HIVEP1: variants seen among roughly 807,000 people sequenced by gnomAD.
HIVEP1 encodes HIVEP zinc finger 1.
HIVEP1 carries 36 observed loss-of-function variants against 180.0 expected under a neutral mutation model. The ratio of observed to expected loss-of-function variants is 0.20; its 90% CI spans 0.15 to 0.26. The LOEUF is 0.26. HIVEP1 is among the 10% of genes least tolerant of loss of function. The pLI is 1.00. For synonymous variants in HIVEP1, 1,239 were observed against 1,239.0 expected, an observed-to-expected ratio of 1.00 and a Z score of 0.00; for missense variants, 3,143 against 3,268.7, an observed-to-expected ratio of 0.96 and a Z score of 0.94.
downstream of HIVEP1, among the ~76,000 whole-genome samples, chr6:12,167,683 TATAATATATATACATATATACATATATGC>T (rs1562023788): frequency 5.1e-4 from 53 of 104,066 alleles, no homozygotes; most frequent in Non-Finnish European, 7.0e-4. Flanking sequence ...CATATATGTG[TATAATATATATACATATATACATATATGC>T]ATAATATATA....
At position 12,122,188 on chromosome 6, in the gene HIVEP1, C is replaced by T; in HGVS notation, c.2393C>T (p.Pro798Leu). Residue 798 changes from proline to leucine, a missense_variant, in exon 4 of 9, where the codon CCA becomes CTA. Around this residue, in one of 12 missense-constraint regions of HIVEP1, gnomAD observed 204 missense variants for 243.7 expected, o/e 0.84. Transcript: ENST00000379388. ...GATTCTTTCCAGTTTGATTTAAAAC[C>T]AGTGGGACGGAGAACAAGTTCAAGC... ...FKDSFQFDLK[P>L]VGRRTSSSSD... The T allele has an allele frequency of 6.2e-7, 1 of 1,614,168 alleles. No individual in the cohort carries two copies. The highest frequency in any genetic ancestry group is 8.5e-7 in the Non-Finnish European group (1 of 1,180,016).
chr6:12,205,991 G>A, the HIVEP1 span, among the ~76,000 whole-genome samples: 1 of 152,170 alleles, frequency 6.6e-6, no homozygotes, highest in Non-Finnish European at 1.5e-5. Flanking sequence ...AAATTTATGT[G>A]TGGAAGTCCT....
intron 2 of HIVEP1, among the ~76,000 whole-genome samples, chr6:12,042,072 CTTTTTT>C (rs551684741): frequency 7.8e-6 from 1 of 128,164 alleles, no homozygotes. Flanking sequence ...TATTCGTACG[CTTTTTT>C]TTTTTTTTTT....
At chr6:12,028,340 A>G (rs1768718788) in intron 2 of HIVEP1, among the ~76,000 whole-genome samples, 1 of 152,252 alleles carries the variant, frequency 6.6e-6, no homozygotes, top group African/African-American at 2.4e-5. Flanking sequence ...TTGAAGACAT[A>G]AAGGCCATAA....
At chr6:12,043,360 T>TAA (rs1394232504) in intron 2 of HIVEP1, among the ~76,000 whole-genome samples, 1,475 of 145,476 alleles carry the variant, frequency 0.01, 19 homozygotes, top group African/African-American at 0.035. Flanking sequence ...TGAAAATTTT[T>TAA]TTTTTTTTTT....
chr6:12,188,995 C>T, the HIVEP1 span, among the ~76,000 whole-genome samples: 2 of 151,818 alleles, frequency 1.3e-5, no homozygotes, highest in Non-Finnish European at 2.9e-5. Flanking sequence ...TAAATGGGCA[C>T]AACTACAGAG....
At chr6:12,061,782 T>C (rs1771252948) in intron 2 of HIVEP1, among the ~76,000 whole-genome samples, 1 of 152,166 alleles carries the variant, frequency 6.6e-6, no homozygotes, top group Admixed American at 6.5e-5. Context: ...GATATTGCCT[T>C]TGTTTAAAAA....
intron 3 of HIVEP1, among the ~76,000 whole-genome samples, chr6:12,108,498 C>T (rs1162986287): frequency 6.6e-6 from 1 of 152,244 alleles, no homozygotes. Context: ...GTGGGAGGCT[C>T]AGGCATGGCG....
intron 3 of HIVEP1, among the ~76,000 whole-genome samples, chr6:12,109,934 T>A (rs560924091): frequency 9.2e-5 from 14 of 152,268 alleles, no homozygotes; most frequent in South Asian, 2.1e-4. Flanking sequence ...AAATTACTCC[T>A]TGATCCGTGG....
chr6:12,158,793 C>T (rs1760218230), intron 7 of HIVEP1, among the ~76,000 whole-genome samples: 2 of 152,170 alleles, frequency 1.3e-5, no homozygotes, highest in African/African-American at 4.8e-5. Flanking sequence ...GTGCGTGCCG[C>T]CCTTCTCCTC....
At chr6:12,110,533 C>T (rs915084068) in intron 3 of HIVEP1, among the ~76,000 whole-genome samples, 2 of 152,220 alleles carry the variant, frequency 1.3e-5, no homozygotes, top group Non-Finnish European at 1.5e-5. Context: ...ATCTCTTGAG[C>T]CAACCTCTGC....
intron 2 of HIVEP1, among the ~76,000 whole-genome samples, chr6:12,031,650 G>C (rs1768947116): frequency 6.6e-6 from 1 of 152,192 alleles, no homozygotes; most frequent in Non-Finnish European, 1.5e-5. Context: ...TAGGGAGACA[G>C]GAACAGCCCC....
intron 2 of HIVEP1, among the ~76,000 whole-genome samples, chr6:12,048,877 CA>C (rs1770311518): frequency 6.6e-6 from 1 of 152,074 alleles, no homozygotes; most frequent in Non-Finnish European, 1.5e-5. Context: ...CAATTCAAAC[CA>C]AAATCAAGCC....
At chr6:12,147,398 A>G (rs909442240) in intron 7 of HIVEP1, among the ~76,000 whole-genome samples, 8 of 152,180 alleles carry the variant, frequency 5.3e-5, no homozygotes, top group African/African-American at 1.7e-4. Flanking sequence ...GTTTAAAGCT[A>G]TTGCCCCTTT....
chr6:12,149,583 C>T (rs777453799), intron 7 of HIVEP1, among the ~76,000 whole-genome samples: 2 of 152,284 alleles, frequency 1.3e-5, no homozygotes, highest in Non-Finnish European at 2.9e-5. Flanking sequence ...CAGCTCATAG[C>T]GTTCTGGAAA....
At chr6:12,183,473 A>G in the HIVEP1 span, among the ~76,000 whole-genome samples, 5 of 152,210 alleles carry the variant, frequency 3.3e-5, no homozygotes, top group African/African-American at 1.2e-4. Flanking sequence ...TCTTGGAGAT[A>G]TGTTCTACAG....
At chr6:12,169,921 C>A (rs531337992), downstream of HIVEP1, among the ~76,000 whole-genome samples, 2 of 151,994 alleles carry the variant, frequency 1.3e-5, no homozygotes, top group East Asian at 1.9e-4. Context: ...GAGATAGAGA[C>A]CATCCTGGCT....
At chr6:12,021,052 A>C (rs1466341303) in intron 2 of HIVEP1, among the ~76,000 whole-genome samples, 3 of 151,918 alleles carry the variant, frequency 2.0e-5, no homozygotes, top group Non-Finnish European at 2.9e-5. Flanking sequence ...CACCACGCAC[A>C]GCTAATTTTT....
chr6:12,100,912 A>G (rs1774077438), intron 3 of HIVEP1, among the ~76,000 whole-genome samples: 1 of 152,190 alleles, frequency 6.6e-6, no homozygotes. Flanking sequence ...AAAGCTGAAA[A>G]AAACATCAGA....
Sources: allele counts gnomAD v4.1 joint callset (sites outside exome capture counted in the v4.1 genomes callset), GRCh38; gene constraint gnomAD v4.1.1; regional missense constraint gnomAD v4.1.1; transcripts MANE v1.5; gene names NCBI Gene and HGNC (gene_info 2026-07-23, HGNC 2026-07-21).